The following DCC variants were observed in gnomAD, a reference collection of about 807,000 sequenced individuals.
DCC encodes the protein netrin receptor DCC.
Under a neutral mutation model 172.5 loss-of-function variants are expected in DCC, and 58 were observed. That is an observed-to-expected ratio of 0.34 (90% CI 0.27 to 0.42). DCC has a LOEUF of 0.42. Among genes scored for constraint, DCC ranks in the 10% least tolerant of loss-of-function variants. DCC has a pLI of 1.00. For missense variants in DCC, 1,740 were observed against 1,791.0 expected (o/e 0.97, Z 0.51); for synonymous variants, 709 against 644.5 (o/e 1.10, Z -1.52).
At chr18:52,694,862 C>T (rs2035987183) in intron 1 of DCC, among the ~76,000 whole-genome samples, 1 of 152,172 alleles carries the variant, frequency 6.6e-6, no homozygotes, top group Non-Finnish European at 1.5e-5. Context: ...AATTGTAACA[C>T]TGTATAATTC....
chr18:52,951,493 C>G (rs904295262), intron 5 of DCC, among the ~76,000 whole-genome samples: 3 of 152,122 alleles, frequency 2.0e-5, no homozygotes, highest in Non-Finnish European at 4.4e-5. Flanking sequence ...TCCCTGTGTT[C>G]TCATTGCTCA....
intron 1 of DCC, among the ~76,000 whole-genome samples, chr18:52,589,954 A>G (rs2033760701): frequency 6.6e-6 from 1 of 152,176 alleles, no homozygotes; most frequent in Non-Finnish European, 1.5e-5. Context: ...TATTGATTTG[A>G]TTTCAAGTTT....
chr18:52,487,429 C>G (rs1281150675), intron 1 of DCC, among the ~76,000 whole-genome samples: 5 of 152,226 alleles, frequency 3.3e-5, no homozygotes, highest in Middle Eastern at 6.8e-3. Context: ...ATACTATCTG[C>G]TCATTTTGCC....
intron 2 of DCC, among the ~76,000 whole-genome samples, chr18:52,832,944 A>G (rs1488766212): frequency 6.6e-6 from 1 of 152,142 alleles, no homozygotes; most frequent in East Asian, 1.9e-4. Flanking sequence ...AAATGTACAT[A>G]TTAATGATGT....
chr18:53,232,806 A>G, intron 12 of DCC, among the ~76,000 whole-genome samples: 1 of 152,220 alleles, frequency 6.6e-6, no homozygotes, highest in African/African-American at 2.4e-5. Context: ...AGCGACTTTC[A>G]CTAAAAACCT....
At chr18:53,466,769 G>T (rs986841390) in intron 24 of DCC, among the ~76,000 whole-genome samples, 2 of 152,022 alleles carry the variant, frequency 1.3e-5, no homozygotes, top group Non-Finnish European at 2.9e-5. Flanking sequence ...CAAGTGATCC[G>T]CCCACTTTGG....
chr18:52,680,297 G>A (rs2035724628), intron 1 of DCC, among the ~76,000 whole-genome samples: 1 of 152,104 alleles, frequency 6.6e-6, no homozygotes, highest in Admixed American at 6.5e-5. Flanking sequence ...GGGGAATCAA[G>A]AGGCTTTGAG....
intron 1 of DCC, among the ~76,000 whole-genome samples, chr18:52,636,501 T>C (rs569524211): frequency 6.6e-6 from 1 of 152,122 alleles, no homozygotes; most frequent in South Asian, 2.1e-4. Context: ...GCAGACACAG[T>C]GGAAGTGAGA....
intron 7 of DCC, among the ~76,000 whole-genome samples, chr18:53,120,884 C>T (rs545077784): frequency 4.6e-5 from 7 of 151,780 alleles, no homozygotes; most frequent in African/African-American, 1.7e-4. Context: ...TTGTTTAGGG[C>T]AAGTGTTACT....
chr18:52,428,951 G>A (rs1987531405), intron 1 of DCC, among the ~76,000 whole-genome samples: 1 of 151,986 alleles, frequency 6.6e-6, no homozygotes, highest in South Asian at 2.1e-4. Flanking sequence ...TTCTCATGTT[G>A]CAGAACAGAA....
At chr18:53,453,923 G>T (rs758640780) in intron 23 of DCC, among the ~76,000 whole-genome samples, 11 of 152,076 alleles carry the variant, frequency 7.2e-5, no homozygotes, top group Non-Finnish European at 1.6e-4. Flanking sequence ...GAATCACATG[G>T]TAGCATTAAG....
intron 1 of DCC, among the ~76,000 whole-genome samples, chr18:52,675,702 A>G (rs2035634932): frequency 6.6e-6 from 1 of 152,230 alleles, no homozygotes; most frequent in African/African-American, 2.4e-5. Flanking sequence ...TTACTAAAGC[A>G]GGAGATCCTA....
chr18:52,391,997 G>A (rs540223406), intron 1 of DCC, among the ~76,000 whole-genome samples: 19 of 152,268 alleles, frequency 1.2e-4, no homozygotes, highest in Admixed American at 1.0e-3. Flanking sequence ...TCAACTATTC[G>A]AGTCCACAAA....
chr18:52,814,674 T>C (rs1328560650), intron 2 of DCC, among the ~76,000 whole-genome samples: 1 of 152,228 alleles, frequency 6.6e-6, no homozygotes, highest in Non-Finnish European at 1.5e-5. Flanking sequence ...TATTGAAAAG[T>C]AATTGGAAAT....
chr18:53,393,972 G>T (rs1290082047), intron 17 of DCC, among the ~76,000 whole-genome samples: 6 of 150,560 alleles, frequency 4.0e-5, no homozygotes, highest in Admixed American at 3.3e-4. Context: ...GAGGGTTAGA[G>T]AAAACTAGAA....
At chr18:53,214,404 AT>A (rs1429578333) in intron 11 of DCC, among the ~76,000 whole-genome samples, 1 of 152,200 alleles carries the variant, frequency 6.6e-6, no homozygotes, top group Non-Finnish European at 1.5e-5. Flanking sequence ...AAGATAAAAG[AT>A]TAATCGGTGG....
intron 5 of DCC, among the ~76,000 whole-genome samples, chr18:52,928,319 A>G (rs2040251123): frequency 6.6e-6 from 1 of 152,096 alleles, no homozygotes; most frequent in Admixed American, 6.6e-5. Flanking sequence ...AAGAGAACCA[A>G]AAAACTATCG....
intron 25 of DCC, among the ~76,000 whole-genome samples, chr18:53,478,072 G>A (rs1291398944): frequency 6.6e-6 from 1 of 152,184 alleles, no homozygotes; most frequent in Non-Finnish European, 1.5e-5. Flanking sequence ...GAGGGTGAAG[G>A]ATACAGAATA....
chr18:53,256,040 A>G (rs1025636917), intron 12 of DCC, among the ~76,000 whole-genome samples: 5 of 151,924 alleles, frequency 3.3e-5, no homozygotes, highest in Admixed American at 2.0e-4. Flanking sequence ...CATGTCCTTC[A>G]CCCACTTTTT....
Sources: allele counts gnomAD v4.1 joint callset (sites outside exome capture counted in the v4.1 genomes callset), GRCh38; gene constraint gnomAD v4.1.1; transcripts MANE v1.5; gene names NCBI Gene and HGNC (gene_info 2026-07-23, HGNC 2026-07-21).